PDE10A: variants seen among roughly 807,000 people sequenced by gnomAD.
The protein encoded by PDE10A is phosphodiesterase 10A, also known as cAMP and cAMP-inhibited cGMP 3',5'-cyclic phosphodiesterase 10A.
In PDE10A, 39 loss-of-function variants were observed where a neutral mutation model predicts 97.7. The ratio of observed to expected loss-of-function variants is 0.40; its 90% CI spans 0.31 to 0.52. PDE10A has a LOEUF of 0.52. Among genes scored for constraint, PDE10A ranks in the 20% least tolerant of loss-of-function variants. The pLI, the probability that PDE10A is intolerant of heterozygous loss-of-function variation, is 0.56. For missense variants in PDE10A, 731 were observed against 1,047.8 expected (o/e 0.70, Z 4.17); for synonymous variants, 371 against 376.8 (o/e 0.98, Z 0.18).
intron 1 of PDE10A, among the ~76,000 whole-genome samples, chr6:165,807,856 T>C (rs569250402): frequency 2.4e-4 from 37 of 152,202 alleles, no homozygotes; most frequent in Non-Finnish European, 4.1e-4. Context: ...GTACGCCTTG[T>C]GCCTGTTTCC....
At chr6:165,934,648 C>T (rs1254916896) in intron 1 of PDE10A, among the ~76,000 whole-genome samples, 1 of 152,340 alleles carries the variant, frequency 6.6e-6, no homozygotes, top group Non-Finnish European at 1.5e-5. Context: ...AAAGCATACT[C>T]TACCCAGTAT....
chr6:165,894,867 C>T (rs936746145), intron 1 of PDE10A, among the ~76,000 whole-genome samples: 1 of 152,238 alleles, frequency 6.6e-6, no homozygotes, highest in Non-Finnish European at 1.5e-5. Flanking sequence ...TTAGCCAGAG[C>T]AGTGGCTCTC....
intron 1 of PDE10A, among the ~76,000 whole-genome samples, chr6:165,835,719 G>C (rs1780047734): frequency 6.6e-6 from 1 of 152,150 alleles, no homozygotes; most frequent in Non-Finnish European, 1.5e-5. Context: ...CTGGAGAACA[G>C]GGAGTCCCTG....
At chr6:165,496,384 A>G (rs918524297) in intron 2 of PDE10A, among the ~76,000 whole-genome samples, 2 of 152,182 alleles carry the variant, frequency 1.3e-5, no homozygotes, top group African/African-American at 4.8e-5. Context: ...GAGTCAATAG[A>G]TCTTTCTTCA....
chr6:165,696,443 T>C (rs546106118), intron 1 of PDE10A, among the ~76,000 whole-genome samples: 1 of 152,340 alleles, frequency 6.6e-6, no homozygotes, highest in East Asian at 1.9e-4. Flanking sequence ...CGATGGACAC[T>C]ACCTGCCCAT....
chr6:165,948,274 G>T (rs985721563), intron 1 of PDE10A: 1 of 152,158 alleles, frequency 6.6e-6, no homozygotes, highest in African/African-American at 2.4e-5. Context: ...CTCAGGATAG[G>T]TAGAGGAAGT....
intron 1 of PDE10A, among the ~76,000 whole-genome samples, chr6:165,814,627 C>A (rs567504266): frequency 1.3e-5 from 2 of 152,190 alleles, no homozygotes; most frequent in South Asian, 4.1e-4. Context: ...AAGTAGAAAT[C>A]AAAATGTAAA....
chr6:165,510,755 A>T (rs1781462276), intron 2 of PDE10A, among the ~76,000 whole-genome samples: 1 of 152,030 alleles, frequency 6.6e-6, no homozygotes, highest in South Asian at 2.1e-4. Flanking sequence ...CAATCTTGGT[A>T]GAATGCATGC....
intron 1 of PDE10A, among the ~76,000 whole-genome samples, chr6:165,695,316 C>A (rs2128442639): frequency 6.6e-6 from 1 of 151,862 alleles, no homozygotes; most frequent in South Asian, 2.1e-4. Context: ...CTTTTCAAGA[C>A]AATCTATCAA....
chr6:165,588,281 C>CTTTTTTTCTTTTTTTT (rs1562606454), intron 1 of PDE10A, among the ~76,000 whole-genome samples: 1 of 37,034 alleles, frequency 2.7e-5, no homozygotes, highest in Non-Finnish European at 8.6e-5. Context: ...ATTTTTTTTT[C>CTTTTTTTCTTTTTTTT]TTTTTTTTTT....
At chr6:165,880,623 A>G (rs1781447500) in intron 1 of PDE10A, among the ~76,000 whole-genome samples, 1 of 152,092 alleles carries the variant, frequency 6.6e-6, no homozygotes, top group Non-Finnish European at 1.5e-5. Context: ...GAGTCCTTTA[A>G]ATGTTCATCT....
chr6:165,900,789 T>G (rs542598720), intron 1 of PDE10A, among the ~76,000 whole-genome samples: 1 of 152,352 alleles, frequency 6.6e-6, no homozygotes, highest in South Asian at 2.1e-4. Context: ...AAAGGATAAC[T>G]GCAGCCTTCA....
intron 6 of PDE10A, among the ~76,000 whole-genome samples, chr6:165,433,894 G>A (rs1190133692): frequency 1.3e-5 from 2 of 151,572 alleles, no homozygotes; most frequent in Non-Finnish European, 2.9e-5. Flanking sequence ...GCAGGCGCCT[G>A]TAGTCCCAGC....
intron 18 of PDE10A, among the ~76,000 whole-genome samples, chr6:165,373,029 T>C (rs9459401): frequency 7.4e-6 from 1 of 135,702 alleles, no homozygotes. Flanking sequence ...TAGCCATATG[T>C]AGAAAGCTGA....
At chr6:165,798,553 C>T (rs1176937471) in intron 1 of PDE10A, among the ~76,000 whole-genome samples, 3 of 152,016 alleles carry the variant, frequency 2.0e-5, no homozygotes, top group Admixed American at 6.6e-5. Flanking sequence ...ACTCCGAAAA[C>T]GGTACCTAAA....
intron 2 of PDE10A, among the ~76,000 whole-genome samples, chr6:165,517,663 T>C (rs1252749677): frequency 1.3e-5 from 2 of 152,106 alleles, no homozygotes; most frequent in African/African-American, 4.8e-5. Context: ...CACACGACAT[T>C]TGGGAAAACA....
intron 1 of PDE10A, among the ~76,000 whole-genome samples, chr6:165,748,704 A>G (rs1583031727): frequency 6.6e-6 from 1 of 152,252 alleles, no homozygotes; most frequent in East Asian, 1.9e-4. Context: ...TGGAAAGGTG[A>G]GCACAAGCCT....
At chr6:165,399,024 A>C (rs1482349679) in intron 13 of PDE10A, among the ~76,000 whole-genome samples, 1 of 152,216 alleles carries the variant, frequency 6.6e-6, no homozygotes, top group East Asian at 1.9e-4. Flanking sequence ...TTACGACTTT[A>C]TTAATAATAA....
chr6:165,966,005 G>T lies in PDE10A; in HGVS notation c.-615+21524C>A, dbSNP rs185105707. Among the ~76,000 whole-genome samples the T allele has an allele frequency of 6.2e-4, 94 of 152,314 alleles. No homozygotes were observed. The East Asian group carries it at 0.014, about 23-fold the overall frequency. On this transcript the variant is annotated intron_variant, in intron 1 of 19. Transcript: ENST00000366882. ...TGTATTTAATACATAGATTTAGGGGGAATCACCGTCATCGGAAAACATCAC... is the reference window on the plus strand; with the variant it reads ...TGTATTTAATACATAGATTTAGGGGTAATCACCGTCATCGGAAAACATCAC...
Sources: allele counts gnomAD v4.1 joint callset (sites outside exome capture counted in the v4.1 genomes callset), GRCh38; gene constraint gnomAD v4.1.1; transcripts MANE v1.5; gene names NCBI Gene and HGNC (gene_info 2026-07-23, HGNC 2026-07-21).